The following INIP variants were observed in gnomAD, a reference collection of about 807,000 sequenced individuals.
INIP encodes the protein INTS3 and NABP interacting protein, also known as SOSS complex subunit C.
A neutral mutation model predicts 14.0 loss-of-function variants in INIP; 9 were observed. The observed-to-expected ratio is 0.64, with a 90% CI of 0.39 to 1.12. INIP has a LOEUF of 1.12. Among genes scored for constraint, INIP ranks in the 50% most tolerant of loss-of-function variants. The pLI, the probability that INIP is intolerant of heterozygous loss-of-function variation, is 0.01. For synonymous variants in INIP, 37 were observed against 41.5 expected, an observed-to-expected ratio of 0.89 and a Z score of 0.41; for missense variants, 78 against 122.7, an observed-to-expected ratio of 0.64 and a Z score of 1.72.
At position 112,687,018 on chromosome 9, in the gene INIP, G is replaced by A. The variant is rs1837696060; in HGVS notation, c.*520C>T. ...GAGGTTTGTTTTAAAGTGAAAAAGG[G>A]GGAAGTAGTTATAAGTCCAGAAAGA... is the stretch of plus-strand genomic sequence containing the variant. On this transcript the variant is annotated 3_prime_UTR_variant, in exon 5 of 5. Coordinates refer to ENST00000374242, the MANE Select transcript of INIP (RefSeq NM_021218.3). 1 of 152,244 alleles carries A rather than the reference G, an allele frequency of 6.6e-6. No homozygotes were observed. The highest frequency in any genetic ancestry group is 1.5e-5 in the Non-Finnish European group (1 of 68,082). 9.4% of individuals were successfully genotyped at this position (152,244 alleles called of 1,614,324 possible).
chr9:112,695,827 A>AGAAGG (rs1390448845), intron 2 of INIP, among the ~76,000 whole-genome samples: 1 of 148,870 alleles, frequency 6.7e-6, no homozygotes, highest in Non-Finnish European at 1.5e-5. Context: ...AAGGAGAAGA[A>AGAAGG]GAAGGAGAAG....
rs1195616713 is a variant in INIP at position 112,687,118 on chromosome 9, G to A, written c.*420C>T. On this transcript the variant is annotated 3_prime_UTR_variant, in exon 5 of 5. Coordinates refer to ENST00000374242, the MANE Select transcript of INIP (RefSeq NM_021218.3). ...AGCAATCCTATAAACAGCAAATATG[G>A]ATGCAATTGATTTAAGCCTATTAGT... 1 of 154,354 alleles carries A rather than the reference G, an allele frequency of 6.5e-6. No individual in the cohort carries two copies. Among genetic ancestry groups the A allele is most frequent in the African/African-American group, 2.4e-5 (1 of 41,508 alleles). 9.6% of individuals were successfully genotyped at this position (154,354 alleles called of 1,614,324 possible). A position where few individuals can be genotyped will look rare whatever the true frequency, so the allele number is the denominator to read the frequency against.
rs571505562 is a variant in INIP at position 112,710,676 on chromosome 9, C to T, written c.25+5785G>A. On this transcript the variant is annotated intron_variant, in intron 2 of 4. Coordinates refer to ENST00000374242, the MANE Select transcript of INIP (RefSeq NM_021218.3). Reference sequence around the variant, plus strand: ...CTAGATCTGAAAGAGGGCTTAGTCCCCAACACAACGGAATTGTTCTCTACA... The same window carrying T: ...CTAGATCTGAAAGAGGGCTTAGTCCTCAACACAACGGAATTGTTCTCTACA... 3.3e-5 allele frequency among the ~76,000 whole-genome samples: 5 copies of T among 152,180 alleles called. No homozygotes were observed. The East Asian group carries it at 9.7e-4, about 29-fold the overall frequency.
intron 1 of INIP, among the ~76,000 whole-genome samples, chr9:112,717,772 T>C (rs967611409): frequency 3.3e-5 from 5 of 151,980 alleles, no homozygotes; most frequent in African/African-American, 9.7e-5. Flanking sequence ...TGTGACAGGG[T>C]AGACTGGCGT....
intron 1 of INIP, among the ~76,000 whole-genome samples, chr9:112,717,459 T>C (rs768099495): frequency 4.6e-5 from 7 of 151,604 alleles, no homozygotes; most frequent in Non-Finnish European, 8.8e-5. Context: ...AGATCCAAGA[T>C]GAGCAAGACC....
intron 2 of INIP, among the ~76,000 whole-genome samples, chr9:112,702,099 T>C (rs1166861765): frequency 1.3e-5 from 2 of 151,950 alleles, no homozygotes; most frequent in Admixed American, 1.3e-4. Flanking sequence ...CACACACACA[T>C]AATTCTTGAA....
rs554796697 is a variant in INIP, at chr9:112,684,929, T to C, written c.*2609A>G. On this transcript the variant is annotated 3_prime_UTR_variant, in exon 5 of 5. Transcript: ENST00000374242. The stretch of plus-strand genomic sequence containing the variant: ...CACTGCTGCCCTTTCCCTCACCCTC[T>C]GCAGTGCCTGCTCTTCTCCTCTCAT... 6.6e-6 allele frequency: 1 copy of C among 152,426 alleles called. No individual in the cohort carries two copies. Among genetic ancestry groups the C allele is most frequent in the South Asian group, 2.1e-4 (1 of 4,826 alleles). 9.4% of individuals were successfully genotyped at this position (152,426 alleles called of 1,614,324 possible).
At chr9:112,697,538 G>T (rs182375765) in intron 2 of INIP, among the ~76,000 whole-genome samples, 1 of 152,056 alleles carries the variant, frequency 6.6e-6, no homozygotes, top group Non-Finnish European at 1.5e-5. Flanking sequence ...AGCCATGATC[G>T]TGCCTTTAAC....
At chr9:112,691,775 C>G (rs945824227) in intron 3 of INIP, among the ~76,000 whole-genome samples, 127 of 152,206 alleles carry the variant, frequency 8.3e-4, no homozygotes, top group Non-Finnish European at 9.9e-4. Flanking sequence ...TTTGGGAGGC[C>G]AAGGTGGGTG....
intron 2 of INIP, 130 bp downstream of exon 2, chr9:112,716,331 C>T (rs774094654): frequency 1.0e-5 from 8 of 794,944 alleles, no homozygotes; most frequent in Non-Finnish European, 1.3e-5. Flanking sequence ...CGTGAGCCAC[C>T]GCTCCCGGCC....
At chr9:112,717,129 T>C (rs539244907) in intron 1 of INIP, among the ~76,000 whole-genome samples, 5 of 152,302 alleles carry the variant, frequency 3.3e-5, no homozygotes, top group South Asian at 4.1e-4. Flanking sequence ...CGTCATTAGG[T>C]TGTATTTACC....
chr9:112,704,693 T>A (rs538003782), intron 2 of INIP, among the ~76,000 whole-genome samples: 1 of 152,368 alleles, frequency 6.6e-6, no homozygotes, highest in South Asian at 2.1e-4. Flanking sequence ...TTTGAAATTT[T>A]GCTTTGTTTT....
At chr9:112,711,545 T>C (rs550538764) in intron 2 of INIP, among the ~76,000 whole-genome samples, 77 of 152,368 alleles carry the variant, frequency 5.1e-4, no homozygotes, top group South Asian at 1.0e-3. Context: ...CAGTGCATTG[T>C]GTGGTTTTTA....
chr9:112,696,729 C>CT, intron 2 of INIP, among the ~76,000 whole-genome samples: 2 of 152,298 alleles, frequency 1.3e-5, no homozygotes, highest in Middle Eastern at 3.4e-3. Flanking sequence ...GGTTAATTTG[C>CT]TAGAGTGGCT....
intron 3 of INIP, among the ~76,000 whole-genome samples, chr9:112,691,788 T>C (rs900890343): frequency 5.3e-5 from 8 of 152,094 alleles, no homozygotes; most frequent in African/African-American, 1.9e-4. Flanking sequence ...GGTGGGTGGA[T>C]CACTTGAGGC....
chr9:112,712,926 A>G (rs1838691175), intron 2 of INIP, among the ~76,000 whole-genome samples: 1 of 152,232 alleles, frequency 6.6e-6, no homozygotes, highest in Non-Finnish European at 1.5e-5. Context: ...CCATAGTCAG[A>G]CCACTGAAAT....
At position 112,684,663 on chromosome 9, in the gene INIP, T is replaced by A. The variant is rs1194336657; in HGVS notation, c.*2875A>T. On this transcript the variant is annotated 3_prime_UTR_variant, in exon 5 of 5. Coordinates refer to ENST00000374242, the MANE Select transcript of INIP (RefSeq NM_021218.3). ...TGCAGTACACTCAGATGTTTTTGAT[T>A]TTTTCGGAAAAAATGCTGGTCAATC... The A allele has an allele frequency of 2.0e-5, 3 of 152,194 alleles. No homozygotes were observed. The highest frequency in any genetic ancestry group is 2.9e-5 in the Non-Finnish European group (2 of 68,030). The allele number at this position is 152,194 out of a possible 1,614,324, so 9.4% of individuals were successfully genotyped here.
At position 112,684,767 on chromosome 9, in the gene INIP, A is replaced by G. The variant is rs936474066; in HGVS notation, c.*2771T>C. ...ACTTTGAAAAACACTAGTCTAGACA[A>G]TTTCTGACATGGGCAGAGCATGTGC... On this transcript the variant is annotated 3_prime_UTR_variant, in exon 5 of 5. Coordinates refer to ENST00000374242, the MANE Select transcript of INIP (RefSeq NM_021218.3). 6.6e-6 allele frequency: 1 copy of G among 152,230 alleles called. No homozygotes were observed. Among genetic ancestry groups the G allele is most frequent in the East Asian group, 1.9e-4 (1 of 5,186 alleles). The allele number at this position is 152,230 out of a possible 1,614,324, so 9.4% of individuals were successfully genotyped here. A position where few individuals can be genotyped will look rare whatever the true frequency, so the allele number is the denominator to read the frequency against.
At chr9:112,690,610 G>A (rs370518953) in intron 3 of INIP, among the ~76,000 whole-genome samples, 39 of 152,208 alleles carry the variant, frequency 2.6e-4, no homozygotes, top group African/African-American at 9.2e-4. Flanking sequence ...TCAATTATCA[G>A]TAGTCACATG....
Sources: allele counts gnomAD v4.1 joint callset (sites outside exome capture counted in the v4.1 genomes callset), GRCh38; gene constraint gnomAD v4.1.1; transcripts MANE v1.5; gene names NCBI Gene and HGNC (gene_info 2026-07-23, HGNC 2026-07-21).